Variants in CDK19 observed in about 807,000 individuals in gnomAD.
CDK19 encodes the protein cyclin dependent kinase 19.
A neutral mutation model predicts 68.3 loss-of-function variants in CDK19; 20 were observed. That is an observed-to-expected ratio of 0.29 (90% confidence interval 0.21 to 0.43). The LOEUF is 0.43. Among genes scored for constraint, CDK19 ranks in the 20% least tolerant of loss-of-function variants. The pLI is 1.00. For missense variants in CDK19, 339 were observed against 623.5 expected (o/e 0.54, Z 4.86); for synonymous variants, 221 against 222.8 (o/e 0.99, Z 0.07).
At chr6:110,727,904 T>C (rs1269661405) in intron 2 of CDK19, among the ~76,000 whole-genome samples, 1 of 151,818 alleles carries the variant, frequency 6.6e-6, no homozygotes, top group African/African-American at 2.4e-5. Context: ...AAGAGGATCA[T>C]TGGAGGCCAG....
chr6:110,633,288 C>T (rs1006317500), intron 5 of CDK19, among the ~76,000 whole-genome samples: 6 of 152,144 alleles, frequency 3.9e-5, no homozygotes, highest in African/African-American at 1.2e-4. Flanking sequence ...AACCTGACTA[C>T]GTCTTAGTTC....
At chr6:110,769,489 C>T (rs1029508235) in intron 1 of CDK19, among the ~76,000 whole-genome samples, 3 of 150,838 alleles carry the variant, frequency 2.0e-5, no homozygotes, top group African/African-American at 7.3e-5. Flanking sequence ...CGCTTGAACC[C>T]GGGAGCTGGA....
intron 6 of CDK19, among the ~76,000 whole-genome samples, 183 bp downstream of exon 6, chr6:110,631,847 A>C (rs538977456): frequency 5.3e-5 from 8 of 152,360 alleles, no homozygotes; most frequent in Admixed American, 2.6e-4. Context: ...TCTTCTTTTA[A>C]AATAACCATA....
chr6:110,778,647 A>G (rs2115022194), intron 1 of CDK19, among the ~76,000 whole-genome samples: 1 of 152,326 alleles, frequency 6.6e-6, no homozygotes, highest in South Asian at 2.1e-4. Flanking sequence ...TTGTGGCAAC[A>G]CTACTGGCTG....
At chr6:110,792,285 A>T (rs1048520171) in intron 1 of CDK19, among the ~76,000 whole-genome samples, 1 of 151,848 alleles carries the variant, frequency 6.6e-6, no homozygotes, top group East Asian at 1.9e-4. Flanking sequence ...TTATTTTTTT[A>T]ATTTAATTTG....
chr6:110,739,838 C>T (rs1305278045), intron 2 of CDK19, among the ~76,000 whole-genome samples: 3 of 151,142 alleles, frequency 2.0e-5, no homozygotes, highest in Non-Finnish European at 4.4e-5. Flanking sequence ...CAGGGTCTCA[C>T]AATATTGTCC....
intron 2 of CDK19, among the ~76,000 whole-genome samples, chr6:110,702,148 T>A (rs1340503592): frequency 2.7e-5 from 4 of 149,808 alleles, no homozygotes; most frequent in Non-Finnish European, 4.4e-5. Flanking sequence ...CTCAAAAAAA[T>A]AAAAATAAAA....
intron 1 of CDK19, among the ~76,000 whole-genome samples, chr6:110,777,792 T>C (rs993415096): frequency 6.6e-6 from 1 of 152,202 alleles, no homozygotes; most frequent in Non-Finnish European, 1.5e-5. Flanking sequence ...CATATACATG[T>C]AACAGAATAT....
At chr6:110,765,516 T>C (rs3021289) in intron 1 of CDK19, among the ~76,000 whole-genome samples, 52,749 of 151,552 alleles carry the variant, frequency 0.35, 10,850 homozygotes, top group East Asian at 0.68. Context: ...CCCGTCTCTA[T>C]TAAAAATACA....
At chr6:110,619,877 C>G (rs1476596025) in intron 12 of CDK19, among the ~76,000 whole-genome samples, 1 of 152,038 alleles carries the variant, frequency 6.6e-6, no homozygotes, top group Non-Finnish European at 1.5e-5. Context: ...GTCTGCCTTA[C>G]CAACTTTAAC....
intron 5 of CDK19, 100 bp from the exon 6 acceptor site, chr6:110,632,261 C>T: frequency 1.1e-6 from 1 of 883,744 alleles, no homozygotes; most frequent in Non-Finnish European, 1.7e-6. Flanking sequence ...GCTATTAGAA[C>T]CATGCAAGGT....
At chr6:110,650,762 G>T (rs150010791) in intron 4 of CDK19, among the ~76,000 whole-genome samples, 2 of 152,210 alleles carry the variant, frequency 1.3e-5, no homozygotes, top group Non-Finnish European at 2.9e-5. Context: ...AACGGGTCAG[G>T]AAAAATAGAG....
intron 1 of CDK19, among the ~76,000 whole-genome samples, chr6:110,775,351 C>A (rs552104596): frequency 6.6e-6 from 1 of 152,136 alleles, no homozygotes; most frequent in South Asian, 2.1e-4. Flanking sequence ...TTCTTAGAAC[C>A]AGAAATTATT....
intron 2 of CDK19, among the ~76,000 whole-genome samples, chr6:110,705,711 C>G (rs1272167674): frequency 6.6e-6 from 1 of 152,130 alleles, no homozygotes; most frequent in Non-Finnish European, 1.5e-5. Flanking sequence ...AAACAGATAA[C>G]AATTTCAGTA....
intron 4 of CDK19, among the ~76,000 whole-genome samples, chr6:110,664,229 T>C (rs529388512): frequency 5.9e-5 from 9 of 152,296 alleles, no homozygotes; most frequent in Admixed American, 1.3e-4. Flanking sequence ...CATCTAAAAC[T>C]CCCTTGGGTT....
intron 4 of CDK19, among the ~76,000 whole-genome samples, chr6:110,667,232 A>G (rs1782001852): frequency 6.6e-6 from 1 of 152,218 alleles, no homozygotes; most frequent in African/African-American, 2.4e-5. Context: ...CATAAATATA[A>G]TGGAATGATA....
At chr6:110,737,273 A>C (rs1473883601) in intron 2 of CDK19, among the ~76,000 whole-genome samples, 2 of 152,216 alleles carry the variant, frequency 1.3e-5, no homozygotes, top group Admixed American at 6.5e-5. Flanking sequence ...AGCAAAGCTG[A>C]TATCTTTTTT....
At chr6:110,706,404 G>GTTGTTTT (rs1774481270) in intron 2 of CDK19, 1 of 71,064 alleles carries the variant, frequency 1.4e-5, no homozygotes, top group Non-Finnish European at 2.6e-5. Context: ...TAACACTGTT[G>GTTGTTTT]TTTTTTTTTT....
chr6:110,648,612 C>T, intron 4 of CDK19, among the ~76,000 whole-genome samples: 1 of 147,994 alleles, frequency 6.8e-6, no homozygotes, highest in East Asian at 2.1e-4. Flanking sequence ...ACGATCTTCG[C>T]TGACTACAAC....
Sources: gnomAD v4.1 joint callset for allele counts (sites outside exome capture counted in the v4.1 genomes callset) on GRCh38, gnomAD v4.1.1 for gene constraint, MANE v1.5 for transcripts, NCBI Gene and HGNC (gene_info 2026-07-23, HGNC 2026-07-21) for gene names.